Variants in C16orf89 observed in about 807,000 individuals in gnomAD.
C16orf89 encodes the protein UPF0764 protein C16orf89.
A neutral mutation model predicts 41.5 loss-of-function variants in C16orf89; 57 were observed. The observed-to-expected ratio is 1.38, with a 90% confidence interval of 1.11 to 1.71. The LOEUF (loss-of-function observed/expected upper bound fraction) is 1.71, where lower values mean the gene tolerates loss of function less well. Among genes scored for constraint, C16orf89 ranks in the 40% most tolerant of loss-of-function variants. The pLI is 0.00. For synonymous variants in C16orf89, 223 were observed against 190.6 expected (o/e 1.17, Z -1.40); for missense variants, 575 against 445.9 (o/e 1.29, Z -2.61).
chr16:5,062,386 G>T, intron 2 of C16orf89, 39 bp downstream of exon 2: 1 of 1,575,592 alleles, frequency 6.3e-7, no homozygotes. Flanking sequence ...CCCCATAGGC[G>T]CTATTCCTGA....
At chr16:5,065,660 A>G in intron 1 of C16orf89, 41 bp downstream of exon 1, 5 of 1,568,064 alleles carry the variant, frequency 3.2e-6, no homozygotes, top group Non-Finnish European at 2.6e-6. Flanking sequence ...GCTGAGAGCT[A>G]GCTTCCCAGT....
chr16:5,060,518 C>G, intron 2 of C16orf89, 82 bp from the exon 3 acceptor site: 1 of 1,401,054 alleles, frequency 7.1e-7, no homozygotes, highest in South Asian at 1.4e-5. Flanking sequence ...CCACCTCCTC[C>G]TGCAGCCCTG....
chr16:5,061,722 C>T (rs192180291), intron 2 of C16orf89, among the ~76,000 whole-genome samples: 2 of 152,120 alleles, frequency 1.3e-5, no homozygotes, highest in Non-Finnish European at 2.9e-5. Flanking sequence ...ATGGTCCCTG[C>T]GGCTGGACTG....
chr16:5,057,690 G>C (rs1215088017), intron 4 of C16orf89, among the ~76,000 whole-genome samples: 2 of 151,364 alleles, frequency 1.3e-5, no homozygotes, highest in Non-Finnish European at 2.9e-5. Context: ...CACTATGCCC[G>C]ACTAATTTTT....
intron 6 of C16orf89, 53 bp from the exon 7 acceptor site, chr16:5,048,017 T>G (rs1956331038): frequency 6.4e-6 from 6 of 944,138 alleles, no homozygotes; most frequent in Admixed American, 2.1e-5. Flanking sequence ...ATTTTTTACA[T>G]TTTTATTTCT....
At chr16:5,044,674 T>C (rs1956262266) in intron 7 of C16orf89, 196 bp from the exon 8 acceptor site, 1 of 1,160,568 alleles carries the variant, frequency 8.6e-7, no homozygotes, top group Non-Finnish European at 1.2e-6. Context: ...AAACCCTGTC[T>C]CTACTAAAAA....
intron 7 of C16orf89, 64 bp downstream of exon 7, chr16:5,047,814 G>C: frequency 1.1e-6 from 1 of 923,638 alleles, no homozygotes; most frequent in Non-Finnish European, 1.8e-6. Flanking sequence ...AATAAACACA[G>C]GCCTCTGTTT....
At chr16:5,057,479 GTATA>G (rs201244784) in intron 4 of C16orf89, among the ~76,000 whole-genome samples, 5 of 144,714 alleles carry the variant, frequency 3.5e-5, no homozygotes, top group Middle Eastern at 3.7e-3. Context: ...TGGTGTGTGT[GTATA>G]TATATATATA....
intron 6 of C16orf89, among the ~76,000 whole-genome samples, chr16:5,053,293 C>CT (rs1340283286): frequency 3.3e-5 from 5 of 152,032 alleles, no homozygotes; most frequent in African/African-American, 1.2e-4. Context: ...TCGCTTGTAC[C>CT]TGGGAGGCGG....
intron 6 of C16orf89, among the ~76,000 whole-genome samples, chr16:5,048,227 G>A (rs541064586): frequency 6.6e-6 from 1 of 152,046 alleles, no homozygotes; most frequent in African/African-American, 2.4e-5. Flanking sequence ...TAGAGATGGG[G>A]TCTTGCTATG....
chr16:5,052,957 A>G (rs996914496), intron 6 of C16orf89, among the ~76,000 whole-genome samples: 3 of 152,320 alleles, frequency 2.0e-5, no homozygotes, highest in Admixed American at 6.5e-5. Context: ...AAAATAACCA[A>G]ATTCTTTCAT....
chr16:5,061,950 A>C (rs1956635587), intron 2 of C16orf89, among the ~76,000 whole-genome samples: 1 of 152,216 alleles, frequency 6.6e-6, no homozygotes, highest in South Asian at 2.1e-4. Flanking sequence ...CAGTGGTCAT[A>C]AGGCATGAGA....
At chr16:5,052,094 T>C (rs1167609406) in intron 6 of C16orf89, among the ~76,000 whole-genome samples, 8 of 94,330 alleles carry the variant, frequency 8.5e-5, no homozygotes, top group Non-Finnish European at 2.0e-5. Context: ...AGAACGAGAC[T>C]GTCTCAAAAA....
chr16:5,065,921 C>G lies in C16orf89; in HGVS notation c.-13G>C. 6.2e-7 allele frequency: 1 copy of G among 1,611,266 alleles called. No homozygotes were observed. Among genetic ancestry groups the G allele is most frequent in the Non-Finnish European group, 8.5e-7 (1 of 1,178,988 alleles). ...CCAGGCTGGCCATGGCCGGCCTCTG[C>G]TCACTGCTGGTCACACGCTCAGCAC... On this transcript the variant is annotated 5_prime_UTR_variant, in exon 1 of 8. Coordinates refer to ENST00000472572, the MANE Select transcript of C16orf89 (RefSeq NM_001098514.3).
At chr16:5,063,342 G>C (rs990205483) in intron 1 of C16orf89, among the ~76,000 whole-genome samples, 2 of 152,164 alleles carry the variant, frequency 1.3e-5, no homozygotes, top group Non-Finnish European at 2.9e-5. Flanking sequence ...CAAACCCGCA[G>C]GGAAGAAGTA....
chr16:5,062,929 GTACAGT>G (rs1370985465), intron 1 of C16orf89, among the ~76,000 whole-genome samples: 2 of 152,220 alleles, frequency 1.3e-5, no homozygotes, highest in Non-Finnish European at 2.9e-5. Context: ...GAACCACTGT[GTACAGT>G]TGAGCAGGTT....
At chr16:5,043,150 C>A (rs1956236485), downstream of C16orf89, 1 of 152,280 alleles carries the variant, frequency 6.6e-6, no homozygotes, top group Non-Finnish European at 1.5e-5. Context: ...GCCTTGAACT[C>A]CTGGGCTCAA....
At chr16:5,055,745 A>C (rs1202676961) in intron 5 of C16orf89, 3 of 1,534,380 alleles carry the variant, frequency 2.0e-6, no homozygotes, top group Non-Finnish European at 2.6e-6. Flanking sequence ...GGAAACTGTC[A>C]CACAGTGGCA....
chr16:5,047,324 C>G (rs910527291), intron 7 of C16orf89, among the ~76,000 whole-genome samples: 5 of 152,188 alleles, frequency 3.3e-5, no homozygotes, highest in African/African-American at 7.2e-5. Flanking sequence ...TAAATTCCCT[C>G]TGTTGAAGTT....
Sources: allele counts gnomAD v4.1 joint callset (sites outside exome capture counted in the v4.1 genomes callset), GRCh38; gene constraint gnomAD v4.1.1; transcripts MANE v1.5; gene names NCBI Gene and HGNC (gene_info 2026-07-23, HGNC 2026-07-21).